EVI5: variants seen among roughly 807,000 people sequenced by gnomAD.
The protein encoded by EVI5 is ecotropic viral integration site 5 protein homolog.
Under a neutral mutation model 112.0 loss-of-function variants are expected in EVI5, and 73 were observed. The ratio of observed to expected loss-of-function variants is 0.65; its 90% CI spans 0.54 to 0.79. The LOEUF (loss-of-function observed/expected upper bound fraction) is 0.79, where lower values mean the gene tolerates loss of function less well. Ranked by LOEUF, EVI5 falls within the 30% of genes least tolerant of loss-of-function variation. The pLI, the probability that EVI5 is intolerant of heterozygous loss-of-function variation, is 0.00. For missense variants in EVI5, 900 were observed against 968.8 expected (o/e 0.93, Z 0.94); for synonymous variants, 305 against 319.9 (o/e 0.95, Z 0.50).
chr1:92,756,253 T>C (rs948922931), intron 1 of EVI5: 31 of 430,018 alleles, frequency 7.2e-5, no homozygotes, highest in African/African-American at 6.0e-4. Flanking sequence ...CAGCTGCCCA[T>C]TTCATTGAAT....
chr1:92,677,045 T>C (rs951043543), intron 10 of EVI5, 113 bp downstream of exon 10: 13 of 693,906 alleles, frequency 1.9e-5, no homozygotes, highest in Non-Finnish European at 3.2e-5. Flanking sequence ...TTAACTATAA[T>C]CTAGTAGGAT....
intron 17 of EVI5, 143 bp downstream of exon 17, chr1:92,607,438 C>T: frequency 1.8e-6 from 1 of 560,714 alleles, no homozygotes; most frequent in Non-Finnish European, 2.9e-6. Context: ...CTGAAAGCAA[C>T]TACCAAAACA....
chr1:92,735,647 T>TG (rs1677235106), intron 2 of EVI5, among the ~76,000 whole-genome samples: 1 of 2,140 alleles, frequency 4.7e-4, no homozygotes, highest in Non-Finnish European at 1.1e-3. Flanking sequence ...GTCATATATA[T>TG]ATATAATTAT....
chr1:92,733,274 T>C (rs938333244), intron 2 of EVI5: 19 of 182,788 alleles, frequency 1.0e-4, no homozygotes, highest in Non-Finnish European at 2.3e-4. Context: ...CATTCAAGGA[T>C]TCGGGCCAGA....
At chr1:92,514,148 TTTTTA>T (rs1332579313) in intron 19 of EVI5, among the ~76,000 whole-genome samples, 178 bp from the exon 20 acceptor site, 1 of 152,164 alleles carries the variant, frequency 6.6e-6, no homozygotes, top group Non-Finnish European at 1.5e-5. Flanking sequence ...CTCATAATTA[TTTTTA>T]TTTTATTTTT....
chr1:92,678,826 ATTAC>A (rs1667149173), intron 9 of EVI5, among the ~76,000 whole-genome samples: 1 of 152,208 alleles, frequency 6.6e-6, no homozygotes, highest in South Asian at 2.1e-4. Context: ...ACAGAAATCT[ATTAC>A]TTATCTCATT....
At chr1:92,589,212 TG>T (rs1673301576) in intron 18 of EVI5, among the ~76,000 whole-genome samples, 1 of 152,194 alleles carries the variant, frequency 6.6e-6, no homozygotes, top group Non-Finnish European at 1.5e-5. Context: ...GAAAGATTCC[TG>T]CATTTCCAAC....
At chr1:92,605,248 G>T (rs1650103778) in intron 18 of EVI5, 59 bp downstream of exon 18, 5 of 1,129,668 alleles carry the variant, frequency 4.4e-6, no homozygotes, top group Admixed American at 3.6e-5. Flanking sequence ...TTACTGTTCA[G>T]ACAAAGAGGA....
At chr1:92,792,397 T>A (rs374648843) in exon 1 of EVI5, 1 of 1,608,810 alleles carries the variant, frequency 6.2e-7, no homozygotes, top group African/African-American at 1.3e-5. Flanking sequence ...GTAACCATGA[T>A]AAGCAGAGAA....
At chr1:92,680,622 C>A (rs1447488526) in intron 9 of EVI5, among the ~76,000 whole-genome samples, 2 of 152,100 alleles carry the variant, frequency 1.3e-5, no homozygotes, top group Non-Finnish European at 2.9e-5. Context: ...TAGCCTGCCA[C>A]AAATTACTTA....
At chr1:92,710,109 G>A (rs1003009968) in intron 2 of EVI5, among the ~76,000 whole-genome samples, 3 of 26,056 alleles carry the variant, frequency 1.2e-4, no homozygotes, top group Admixed American at 3.7e-4. Flanking sequence ...AAGGGAGGCC[G>A]AGGCAGGTGG....
intron 16 of EVI5, among the ~76,000 whole-genome samples, chr1:92,619,527 A>T (rs1174811799): frequency 1.3e-5 from 2 of 151,992 alleles, no homozygotes; most frequent in Non-Finnish European, 2.9e-5. Context: ...AGAATTTAAA[A>T]TAACTGTGAT....
At position 92,510,399 on chromosome 1, in the gene EVI5, T is replaced by C. The variant is rs1659117841; in HGVS notation, c.*3257A>G. ...ACAGATATCTTTCTACAGTTTTCTA[T>C]GGAATAAGAGACTTCATCATATAAA... On this transcript the variant is annotated 3_prime_UTR_variant, in exon 20 of 20. Coordinates refer to ENST00000684568, the MANE Select transcript of EVI5 (RefSeq NM_001350197.2). 1 of 152,226 alleles carries C rather than the reference T, an allele frequency of 6.6e-6. No homozygotes were observed. The highest frequency in any genetic ancestry group is 2.4e-5 in the African/African-American group (1 of 41,464). The allele number at this position is 152,226 out of a possible 1,614,324, so 9.4% of individuals were successfully genotyped here. A position where few individuals can be genotyped will look rare whatever the true frequency, so the allele number is the denominator to read the frequency against.
At chr1:92,525,826 C>T (rs1031840061) in intron 19 of EVI5, among the ~76,000 whole-genome samples, 51 of 152,300 alleles carry the variant, frequency 3.3e-4, no homozygotes, top group African/African-American at 9.9e-4. Flanking sequence ...GAAAGTTTTG[C>T]TGTAATTATG....
intron 16 of EVI5, among the ~76,000 whole-genome samples, chr1:92,622,861 G>A (rs964378191): frequency 2.6e-5 from 4 of 152,036 alleles, no homozygotes; most frequent in African/African-American, 9.7e-5. Context: ...AATTTTCCCC[G>A]CCTAGTCTCC....
chr1:92,736,331 G>A, intron 2 of EVI5, 67 bp downstream of exon 2: 1 of 1,019,220 alleles, frequency 9.8e-7, no homozygotes. Flanking sequence ...AAAAATTCTA[G>A]TGTAAGTAAA....
intron 9 of EVI5, among the ~76,000 whole-genome samples, chr1:92,692,093 A>T (rs894921687): frequency 3.3e-5 from 5 of 152,210 alleles, no homozygotes; most frequent in African/African-American, 9.6e-5. Flanking sequence ...ACAGTTGTTC[A>T]TATCAGAAGA....
chr1:92,520,374 T>A (rs12737478), intron 19 of EVI5, among the ~76,000 whole-genome samples: 1 of 152,118 alleles, frequency 6.6e-6, no homozygotes, highest in African/African-American at 2.4e-5. Flanking sequence ...CTGTTGTGAG[T>A]GACAGTTATA....
rs546474164 is a variant in EVI5 at position 92,784,911 on chromosome 1, C to A, written c.-157G>T. 3 of 986,338 alleles carry A rather than the reference C, an allele frequency of 3.0e-6. No homozygotes were observed. Among genetic ancestry groups the A allele is most frequent in the South Asian group, 4.7e-5 (1 of 21,300 alleles). The allele number at this position is 986,338 out of a possible 1,614,324, so 61.1% of individuals were successfully genotyped here. On this transcript the variant is annotated 5_prime_UTR_variant, in exon 1 of 20. Transcript: ENST00000684568. Reference sequence around the variant, plus strand: ...CGGCAGCCGCGCCGCCGCGTCTCAGCGCCTCGGCCCCGCTCCTGGCTCCAC... The same window carrying A: ...CGGCAGCCGCGCCGCCGCGTCTCAGAGCCTCGGCCCCGCTCCTGGCTCCAC...
Sources: allele counts gnomAD v4.1 joint callset (sites outside exome capture counted in the v4.1 genomes callset), GRCh38; gene constraint gnomAD v4.1.1; transcripts MANE v1.5; gene names NCBI Gene and HGNC (gene_info 2026-07-23, HGNC 2026-07-21).